PLA2R1: variants seen among roughly 807,000 people sequenced by gnomAD.
PLA2R1 encodes secretory phospholipase A2 receptor.
Under a neutral mutation model 195.9 loss-of-function variants are expected in PLA2R1, and 158 were observed. The observed-to-expected ratio is 0.81, with a 90% CI of 0.71 to 0.92. The LOEUF is 0.92. PLA2R1 is among the 40% of genes least tolerant of loss of function. The probability of loss-of-function intolerance (pLI) is 0.00; values close to 1 mark genes in which losing one functional copy is unlikely to be tolerated. For synonymous variants in PLA2R1, 586 were observed against 598.2 expected (o/e 0.98, Z 0.30); for missense variants, 1,626 against 1,764.6 (o/e 0.92, Z 1.41).
chr2:160,015,451 A>T (rs1692668888), intron 9 of PLA2R1, among the ~76,000 whole-genome samples: 1 of 152,206 alleles, frequency 6.6e-6, no homozygotes, highest in African/African-American at 2.4e-5. Context: ...TGAACTCAGA[A>T]ACTTTAAATA....
intron 11 of PLA2R1, among the ~76,000 whole-genome samples, chr2:159,997,778 T>G (rs1691316544): frequency 6.6e-6 from 1 of 152,116 alleles, no homozygotes; most frequent in Non-Finnish European, 1.5e-5. Context: ...TTCTCCAGTT[T>G]GGGGCAGCAG....
chr2:159,990,488 C>A (rs537006952), intron 11 of PLA2R1, among the ~76,000 whole-genome samples: 1 of 152,322 alleles, frequency 6.6e-6, no homozygotes, highest in East Asian at 1.9e-4. Context: ...ACTTTTTGTG[C>A]TGGCTTTTCA....
chr2:159,949,639 A>C lies in PLA2R1; in HGVS notation c.3678T>G (p.Phe1226Leu), dbSNP rs1687608135. Reference sequence around the variant, plus strand: ...GCACATGACAAATGGCACCTTGCAGAAATGACTCGCAGGCTGTGCTATGCC... The same window carrying C: ...GCACATGACAAATGGCACCTTGCAGCAATGACTCGCAGGCTGTGCTATGCC... ...GRWHSTACES[F>L]LQGAICHVPP... Residue 1226 changes from phenylalanine to leucine, a missense_variant, in exon 25 of 30, where the codon TTT (phenylalanine) becomes TTG (leucine). Physicochemically the swap from Phe to Leu is conservative, Grantham distance 22. Transcript: ENST00000283243. 1 of 1,613,978 alleles carries C rather than the reference A, an allele frequency of 6.2e-7. No homozygotes were observed. The highest frequency in any genetic ancestry group is 1.3e-5 in the African/African-American group (1 of 74,936).
chr2:160,060,335 T>G (rs1312497035), intron 1 of PLA2R1, among the ~76,000 whole-genome samples: 1 of 152,206 alleles, frequency 6.6e-6, no homozygotes, highest in Admixed American at 6.5e-5. Flanking sequence ...ATCTGAAGAA[T>G]AGAGGGCTAG....
At chr2:160,040,109 A>G (rs1694431146) in intron 3 of PLA2R1, among the ~76,000 whole-genome samples, 1 of 152,148 alleles carries the variant, frequency 6.6e-6, no homozygotes, top group African/African-American at 2.4e-5. Flanking sequence ...AAATAATATG[A>G]CATCTGTTTC....
chr2:160,044,638 T>A lies in PLA2R1; in HGVS notation c.493+136A>T, dbSNP rs113200903. The A allele has an allele frequency of 7.1e-6, 5 of 705,220 alleles. No homozygotes were observed. The East Asian group carries it at 1.0e-4, about 15-fold the overall frequency. The allele number at this position is 705,220 out of a possible 1,614,324, so 43.7% of individuals were successfully genotyped here. On this transcript the variant is annotated intron_variant, in intron 2 of 29. Transcript: ENST00000283243. Reference sequence around the variant, plus strand: ...CTTTTACCATAAGCAAGGAAGCAACTAAAATGTATTTAGCAGAAGTCCCTT... The same window carrying A: ...CTTTTACCATAAGCAAGGAAGCAACAAAAATGTATTTAGCAGAAGTCCCTT...
chr2:160,052,275 G>C (rs1695257673), intron 1 of PLA2R1, among the ~76,000 whole-genome samples: 1 of 152,162 alleles, frequency 6.6e-6, no homozygotes. Context: ...CAAATTGTCT[G>C]TTACCAACCC....
intron 12 of PLA2R1, among the ~76,000 whole-genome samples, chr2:159,985,440 CCAAA>C (rs1225040727): frequency 1.3e-5 from 2 of 152,162 alleles, no homozygotes; most frequent in African/African-American, 2.4e-5. Flanking sequence ...GACAAAACCA[CCAAA>C]CATTTTTAAA....
chr2:159,929,102 C>T (rs1003215965), downstream of PLA2R1, among the ~76,000 whole-genome samples: 4 of 152,178 alleles, frequency 2.6e-5, no homozygotes. Flanking sequence ...GCAAAGACTT[C>T]ATGACCAAGA....
chr2:159,977,104 T>G (rs1296877967), intron 15 of PLA2R1, among the ~76,000 whole-genome samples, 180 bp downstream of exon 15: 1 of 152,258 alleles, frequency 6.6e-6, no homozygotes, highest in African/African-American at 2.4e-5. Context: ...ATGAACTAAC[T>G]TGGCATCCTG....
chr2:159,987,532 C>T (rs1261228178), intron 11 of PLA2R1, among the ~76,000 whole-genome samples, 174 bp from the exon 12 acceptor site: 3 of 152,134 alleles, frequency 2.0e-5, no homozygotes, highest in African/African-American at 7.2e-5. Flanking sequence ...CTCTTCATCT[C>T]TGGAGAAAAG....
chr2:160,038,771 A>G (rs1261800249), intron 3 of PLA2R1, among the ~76,000 whole-genome samples: 1 of 152,106 alleles, frequency 6.6e-6, no homozygotes, highest in Non-Finnish European at 1.5e-5. Context: ...CATGACAGAA[A>G]CATATAGCAT....
intron 20 of PLA2R1, among the ~76,000 whole-genome samples, chr2:159,962,541 C>A (rs1217290216): frequency 1.3e-5 from 2 of 152,132 alleles, no homozygotes; most frequent in East Asian, 3.9e-4. Flanking sequence ...TGGGTATATA[C>A]CCAAAGGATT....
At chr2:159,998,560 T>G (rs150287774) in intron 11 of PLA2R1, among the ~76,000 whole-genome samples, 3 of 152,142 alleles carry the variant, frequency 2.0e-5, no homozygotes, top group African/African-American at 7.2e-5. Flanking sequence ...TATTTTTCGA[T>G]CCAAAACCTC....
intron 7 of PLA2R1, among the ~76,000 whole-genome samples, chr2:160,021,402 G>GA (rs1414939735): frequency 6.6e-6 from 1 of 152,118 alleles, no homozygotes; most frequent in Non-Finnish European, 1.5e-5. Flanking sequence ...GTTGGATAAA[G>GA]AAAATATGGT....
At chr2:159,924,111 G>A in the PLA2R1 span, among the ~76,000 whole-genome samples, 1 of 152,122 alleles carries the variant, frequency 6.6e-6, no homozygotes, top group South Asian at 2.1e-4. Flanking sequence ...TTGGCTTGTG[G>A]CTGCATAAGC....
rs1381230997 is a variant in PLA2R1 at position 159,932,100 on chromosome 2, A to G, written c.*9678T>C. ...ATAAACAAGTGGGCCTTCTTGCTTA[A>G]TATCTCTTTTTTCTCCCTTCACTTC... On this transcript the variant is annotated 3_prime_UTR_variant, in exon 30 of 30. Coordinates refer to ENST00000283243, the MANE Select transcript of PLA2R1 (RefSeq NM_007366.5). The G allele has an allele frequency of 2.0e-5, 3 of 152,242 alleles. No homozygotes were observed. The highest frequency in any genetic ancestry group is 6.5e-5 in the Admixed American group (1 of 15,288). 9.4% of individuals were successfully genotyped at this position (152,242 alleles called of 1,614,324 possible).
At chr2:160,039,505 A>G (rs1201590755) in intron 3 of PLA2R1, among the ~76,000 whole-genome samples, 2 of 152,138 alleles carry the variant, frequency 1.3e-5, no homozygotes, top group Admixed American at 1.3e-4. Flanking sequence ...ATCATTTTAC[A>G]TTGAGATATT....
chr2:159,954,919 C>A (rs752675731), intron 23 of PLA2R1, among the ~76,000 whole-genome samples: 36 of 152,040 alleles, frequency 2.4e-4, no homozygotes, highest in Non-Finnish European at 4.6e-4. Context: ...ATACATAATC[C>A]CAGAATGAAG....
Sources: gnomAD v4.1 joint callset for allele counts (sites outside exome capture counted in the v4.1 genomes callset) on GRCh38, gnomAD v4.1.1 for gene constraint, MANE v1.5 for transcripts, NCBI Gene and HGNC (gene_info 2026-07-23, HGNC 2026-07-21) for gene names.